The following TPST2 variants were observed in gnomAD, a reference collection of about 807,000 sequenced individuals.
TPST2 encodes the protein tyrosylprotein sulfotransferase 2.
Under a neutral mutation model 27.8 loss-of-function variants are expected in TPST2, and 16 were observed. The ratio of observed to expected loss-of-function variants is 0.58; its 90% confidence interval spans 0.39 to 0.88. The LOEUF (loss-of-function observed/expected upper bound fraction) is 0.88. TPST2 is among the 40% of genes least tolerant of loss of function. TPST2 has a pLI of 0.00. For synonymous variants in TPST2, 229 were observed against 231.7 expected, an observed-to-expected ratio of 0.99 and a Z score of 0.10; for missense variants, 464 against 543.1, an observed-to-expected ratio of 0.85 and a Z score of 1.45.
At chr22:26,549,755 G>A (rs1255945511) in intron 1 of TPST2, among the ~76,000 whole-genome samples, 1 of 150,890 alleles carries the variant, frequency 6.6e-6, no homozygotes, top group Non-Finnish European at 1.5e-5. Flanking sequence ...ATTTCAGCAG[G>A]TGTGGTGACT....
intron 1 of TPST2, among the ~76,000 whole-genome samples, chr22:26,561,316 A>G (rs1927080361): frequency 1.3e-5 from 2 of 152,222 alleles, no homozygotes; most frequent in South Asian, 4.1e-4. Context: ...TTAACACACT[A>G]CCGAATGTGT....
At chr22:26,565,869 A>G (rs1018757124) in intron 1 of TPST2, 1 of 152,052 alleles carries the variant, frequency 6.6e-6, no homozygotes, top group Non-Finnish European at 1.5e-5. Context: ...GCACATCTCA[A>G]TTTGGATGCT....
rs757363608 is a variant in TPST2 at position 26,536,409 on chromosome 22, C to T, written c.920G>A (p.Gly307Glu). The change falls in exon 4 of 7, where the codon GGG becomes GAG. Residue 307 changes from glycine (G) to glutamate (E), a missense_variant. Transcript: ENST00000338754. ...ALSKWTGHIP[G>E]DVVRDMAQIA... ...CTGGGCCATGTCCCGCACCACATCC[C>T]CAGGGATGTGGCCAGTCCACTTGGA... 1.3e-6 allele frequency: 2 copies of T among 1,592,314 alleles called. No individual in the cohort carries two copies. The highest frequency in any genetic ancestry group is 1.7e-5 in the Admixed American group (1 of 58,516).
chr22:26,572,038 G>A (rs923884672), intron 1 of TPST2, among the ~76,000 whole-genome samples: 4 of 152,136 alleles, frequency 2.6e-5, no homozygotes, highest in African/African-American at 4.8e-5. Flanking sequence ...GTGGCTTAGA[G>A]GGGTGTCATG....
chr22:26,578,140 G>A (rs780846493), intron 1 of TPST2, among the ~76,000 whole-genome samples: 2 of 152,040 alleles, frequency 1.3e-5, no homozygotes, highest in South Asian at 2.1e-4. Flanking sequence ...GGTGATCCGC[G>A]CATCTCCGCC....
intron 1 of TPST2, among the ~76,000 whole-genome samples, chr22:26,552,541 C>CT (rs1436557090): frequency 4.7e-4 from 72 of 152,120 alleles, no homozygotes; most frequent in Non-Finnish European, 2.9e-5. Flanking sequence ...GCTTTATCAT[C>CT]TCTCTTGGGG....
intron 1 of TPST2, chr22:26,550,517 G>T: frequency 1.1e-6 from 1 of 891,516 alleles, no homozygotes; most frequent in Non-Finnish European, 1.3e-6. Flanking sequence ...GAGAAAAGCG[G>T]CAGGGGGGCA....
rs991311448 is a variant in TPST2 at position 26,525,683 on chromosome 22, C to T, written c.*592G>A. On this transcript the variant is annotated 3_prime_UTR_variant, in exon 7 of 7. Coordinates refer to ENST00000338754, the MANE Select transcript of TPST2 (RefSeq NM_003595.5). ...CCTTACATGCACCTATATTCTCCAG[C>T]TTTTTGCTCATCACAAATCTACCTG... 2 of 152,206 alleles carry T rather than the reference C, an allele frequency of 1.3e-5. No homozygotes were observed. The highest frequency in any genetic ancestry group is 2.9e-5 in the Non-Finnish European group (2 of 68,026). 9.4% of individuals were successfully genotyped at this position (152,206 alleles called of 1,614,324 possible).
At chr22:26,560,881 G>T in intron 1 of TPST2, 2 of 1,597,762 alleles carry the variant, frequency 1.3e-6, no homozygotes, top group South Asian at 2.2e-5. Context: ...GAACATCCTG[G>T]CCTGTCCATT....
In TPST2 at chr22:26,541,450, C is replaced by T; in HGVS notation, c.181G>A (p.Glu61Lys). 1 of 1,605,136 alleles carries T rather than the reference C, an allele frequency of 6.2e-7. No homozygotes were observed. The highest frequency in any genetic ancestry group is 8.5e-7 in the Non-Finnish European group (1 of 1,175,836). ...GGCATGGCCTTGCCATAGCGGTATT[C>T]CACGTGGTTGGTGCCCACCATCACC... ...ELVMVGTNHV[E>K]YRYGKAMPLI... The change falls in exon 3 of 7, where the codon GAA (glutamate) becomes AAA (lysine). Residue 61 changes from glutamate to lysine, a missense_variant. By Grantham distance (56) the Glu-to-Lys change is moderately conservative (BLOSUM62 1). Coordinates refer to ENST00000338754, the MANE Select transcript of TPST2 (RefSeq NM_003595.5). This position sits in a 1 kb window ranked among gnomAD's most constrained non-coding sequence, Gnocchi z 5.9.
chr22:26,555,139 G>A (rs1282198000), intron 1 of TPST2: 5 of 530,960 alleles, frequency 9.4e-6, no homozygotes, highest in South Asian at 1.4e-5. Flanking sequence ...GCATTTTAAC[G>A]TGGAGCTGAG....
chr22:26,537,967 C>T (rs1470250996), intron 3 of TPST2, among the ~76,000 whole-genome samples: 1 of 152,166 alleles, frequency 6.6e-6, no homozygotes, highest in African/African-American at 2.4e-5. Context: ...TAGGTTGTTT[C>T]CAACTTTTCA....
intron 1 of TPST2, among the ~76,000 whole-genome samples, chr22:26,552,228 G>A (rs371876460): frequency 6.9e-4 from 105 of 152,256 alleles, no homozygotes; most frequent in African/African-American, 2.2e-3. Flanking sequence ...AAGACTGGCA[G>A]GGACATACAC....
chr22:26,560,419 G>A (rs547890202), intron 1 of TPST2: 49 of 651,516 alleles, frequency 7.5e-5, no homozygotes, highest in Middle Eastern at 8.6e-4. Context: ...GATTAAATAA[G>A]ATATTGTGCA....
intron 1 of TPST2, among the ~76,000 whole-genome samples, chr22:26,564,825 G>C (rs957182218): frequency 1.3e-5 from 2 of 152,160 alleles, no homozygotes; most frequent in African/African-American, 4.8e-5. Flanking sequence ...AGCCATGGAA[G>C]GGGTATCCTT....
At chr22:26,578,913 G>A (rs1927975296) in intron 1 of TPST2, among the ~76,000 whole-genome samples, 2 of 149,968 alleles carry the variant, frequency 1.3e-5, no homozygotes, top group Admixed American at 1.3e-4. Flanking sequence ...GTGCAGTGGC[G>A]TGATCTTGGC....
At chr22:26,583,836 G>A (rs972923837) in intron 1 of TPST2, among the ~76,000 whole-genome samples, 3 of 151,038 alleles carry the variant, frequency 2.0e-5, no homozygotes, top group East Asian at 3.9e-4. Flanking sequence ...GCGAGACTTC[G>A]TCTCAAAAAA....
intron 1 of TPST2, among the ~76,000 whole-genome samples, chr22:26,552,878 G>A (rs1423063635): frequency 6.6e-6 from 1 of 151,910 alleles, no homozygotes; most frequent in African/African-American, 2.4e-5. Flanking sequence ...TGGCCAACAT[G>A]GTGATACCCC....
At chr22:26,564,161 G>A (rs1927265293) in intron 1 of TPST2, among the ~76,000 whole-genome samples, 1 of 152,220 alleles carries the variant, frequency 6.6e-6, no homozygotes, top group South Asian at 2.1e-4. Context: ...AGCGCCAGGG[G>A]CCAATGACCT....
Sources: gnomAD v4.1 joint callset for allele counts (sites outside exome capture counted in the v4.1 genomes callset) on GRCh38, gnomAD v4.1.1 for gene constraint, Gnocchi (gnomAD v3.1) non-coding constraint, MANE v1.5 for transcripts, NCBI Gene and HGNC (gene_info 2026-07-23, HGNC 2026-07-21) for gene names.